The following PDE6A variants were observed in gnomAD, a reference collection of about 807,000 sequenced individuals.
PDE6A encodes the protein rod cGMP-specific 3',5'-cyclic phosphodiesterase subunit alpha.
A neutral mutation model predicts 106.3 loss-of-function variants in PDE6A; 84 were observed. The observed-to-expected ratio is 0.79, with a 90% CI of 0.66 to 0.95. PDE6A has a LOEUF of 0.95. Ranked by LOEUF, PDE6A falls within the 40% of genes least tolerant of loss-of-function variation. The pLI is 0.00. For synonymous variants in PDE6A, 394 were observed against 386.6 expected (o/e 1.02, Z -0.23); for missense variants, 1,052 against 1,084.9 (o/e 0.97, Z 0.43).
rs1239897985 is a variant in PDE6A at position 149,899,361 on chromosome 5, C to T, written c.1263+14G>A. 4.3e-6 allele frequency: 7 copies of T among 1,613,710 alleles called. No individual in the cohort carries two copies. The highest frequency in any genetic ancestry group is 2.2e-5 in the East Asian group (1 of 44,894). On this transcript the variant is annotated intron_variant, in intron 9 of 21. Coordinates refer to ENST00000255266, the MANE Select transcript of PDE6A (RefSeq NM_000440.3). ...CTGAATCCCAACAGCAAAAGGCCTC[C>T]TAGCAAGCCATACCTCCATGAGCGT...
intron 1 of PDE6A, 98 bp from the exon 2 acceptor site, chr5:149,934,816 A>G: frequency 8.5e-7 from 1 of 1,172,240 alleles, no homozygotes. Context: ...AGGTGCTTCC[A>G]TCTATTCCTC....
At chr5:149,933,294 T>G (rs1581210954) in intron 3 of PDE6A, among the ~76,000 whole-genome samples, 1 of 152,286 alleles carries the variant, frequency 6.6e-6, no homozygotes, top group African/African-American at 2.4e-5. Context: ...TTTTAAAAAT[T>G]TTATTTTAAA....
intron 4 of PDE6A, among the ~76,000 whole-genome samples, chr5:149,923,015 T>C (rs1282040591): frequency 3.9e-5 from 6 of 152,254 alleles, no homozygotes; most frequent in Admixed American, 3.9e-4. Flanking sequence ...GATCAGATCA[T>C]GTCCAAATCA....
chr5:149,875,115 T>C (rs185651316), intron 17 of PDE6A, among the ~76,000 whole-genome samples: 1 of 152,194 alleles, frequency 6.6e-6, no homozygotes, highest in East Asian at 1.9e-4. Flanking sequence ...ATTATACACC[T>C]AAGCAATGGG....
intron 17 of PDE6A, among the ~76,000 whole-genome samples, chr5:149,882,953 C>A (rs1760982463): frequency 6.6e-6 from 1 of 151,980 alleles, no homozygotes; most frequent in Non-Finnish European, 1.5e-5. Context: ...AGCTACTAGG[C>A]AGGCTGAGGC....
At chr5:149,878,632 CATGGG>C (rs1760824600) in intron 17 of PDE6A, among the ~76,000 whole-genome samples, 1 of 152,230 alleles carries the variant, frequency 6.6e-6, no homozygotes, top group East Asian at 1.9e-4. Context: ...TACACTCCCG[CATGGG>C]GAACGAGGTG....
At chr5:149,941,392 C>A (rs1304873127) in intron 1 of PDE6A, among the ~76,000 whole-genome samples, 1 of 152,182 alleles carries the variant, frequency 6.6e-6, no homozygotes, top group Non-Finnish European at 1.5e-5. Context: ...TGGAGAACTG[C>A]ATTACTGCCT....
At position 149,926,813 on chromosome 5, in the gene PDE6A, A is replaced by G. The variant is rs551492195; in HGVS notation, c.858+4215T>C. 1.4e-4 allele frequency among the ~76,000 whole-genome samples: 21 copies of G among 152,198 alleles called. No individual in the cohort carries two copies. The South Asian group carries it at 2.3e-3, about 17-fold the overall frequency. On this transcript the variant is annotated intron_variant, in intron 4 of 21. Transcript: ENST00000255266. Reference sequence around the variant, plus strand: ...GCCAACATAGTAAAACCCTGTCTCTACTAAAAACACAAAAATTAGCTGGGT... The same window carrying G: ...GCCAACATAGTAAAACCCTGTCTCTGCTAAAAACACAAAAATTAGCTGGGT...
intron 6 of PDE6A, among the ~76,000 whole-genome samples, chr5:149,913,990 T>C (rs1372420594): frequency 6.6e-6 from 1 of 152,234 alleles, no homozygotes; most frequent in Non-Finnish European, 1.5e-5. Context: ...ATAGGCTTTC[T>C]GTGGGGGCTG....
intron 13 of PDE6A, among the ~76,000 whole-genome samples, chr5:149,893,003 GGTAAGAGAACCTCATT>G (rs1752600163): frequency 6.6e-6 from 1 of 152,140 alleles, no homozygotes; most frequent in Non-Finnish European, 1.5e-5. Context: ...GTATGCCCCT[GGTAAGAGAACCTCATT>G]TATCTTCCAC....
intron 12 of PDE6A, among the ~76,000 whole-genome samples, chr5:149,895,748 A>AGTGT (rs144826238): frequency 1.3e-5 from 2 of 150,436 alleles, no homozygotes; most frequent in East Asian, 1.9e-4. Flanking sequence ...CAGAGCTGGG[A>AGTGT]GTGTGTGTGT....
intron 17 of PDE6A, among the ~76,000 whole-genome samples, chr5:149,877,806 T>A (rs965495787): frequency 2.0e-5 from 3 of 152,182 alleles, no homozygotes; most frequent in African/African-American, 7.2e-5. Flanking sequence ...GCAGGTCCAT[T>A]TACACATGAA....
At chr5:149,874,186 T>C (rs151170025) in intron 17 of PDE6A, among the ~76,000 whole-genome samples, 12 of 152,302 alleles carry the variant, frequency 7.9e-5, no homozygotes, top group African/African-American at 2.6e-4. Context: ...ATTTCAACTC[T>C]GATACTAAAT....
chr5:149,944,085 A>C (rs565069934), intron 1 of PDE6A, 115 bp downstream of exon 1: 3 of 751,844 alleles, frequency 4.0e-6, no homozygotes, highest in East Asian at 2.5e-5. Context: ...AATAAAGAAG[A>C]AGCACCATGT....
intron 17 of PDE6A, among the ~76,000 whole-genome samples, chr5:149,881,887 T>G (rs1316192640): frequency 4.9e-4 from 74 of 150,618 alleles, no homozygotes; most frequent in African/African-American, 1.7e-3. Context: ...AACCTGTTTC[T>G]ACCAAAATTA....
chr5:149,918,778 C>CTTATCTTT (rs1246347915), intron 5 of PDE6A, among the ~76,000 whole-genome samples: 12 of 151,594 alleles, frequency 7.9e-5, no homozygotes, highest in Middle Eastern at 3.4e-3. Context: ...TGCCCGGCTA[C>CTTATCTTT]TTTTCTTTTT....
At chr5:149,882,796 G>T (rs1222437072) in intron 17 of PDE6A, among the ~76,000 whole-genome samples, 1 of 150,944 alleles carries the variant, frequency 6.6e-6, no homozygotes, top group African/African-American at 2.5e-5. Flanking sequence ...GATGGCTCAC[G>T]CCTATAATCC....
In PDE6A at chr5:149,857,996, T is replaced by G. The variant is rs549601359; in HGVS notation, c.*2899A>C. 24 of 152,340 alleles carry G rather than the reference T, an allele frequency of 1.6e-4. No homozygotes were observed. The highest frequency in any genetic ancestry group is 4.3e-4 in the African/African-American group (18 of 41,570). The allele number at this position is 152,340 out of a possible 1,614,324, so 9.4% of individuals were successfully genotyped here. A position where few individuals can be genotyped will look rare whatever the true frequency, so the allele number is the denominator to read the frequency against. ...TTTATTAGAATGAGACAGAGGAATG[T>G]GTTACATGCGGCCACAAAGAAACAA... is the stretch of plus-strand genomic sequence containing the variant. On this transcript the variant is annotated 3_prime_UTR_variant, in exon 22 of 22. Transcript: ENST00000255266.
At chr5:149,891,021 G>A (rs1752525627) in intron 13 of PDE6A, among the ~76,000 whole-genome samples, 1 of 152,190 alleles carries the variant, frequency 6.6e-6, no homozygotes, top group Non-Finnish European at 1.5e-5. Context: ...TAAATCCAAT[G>A]TTAAGTGTGG....
Sources: gnomAD v4.1 joint callset for allele counts (sites outside exome capture counted in the v4.1 genomes callset) on GRCh38, gnomAD v4.1.1 for gene constraint, MANE v1.5 for transcripts, NCBI Gene and HGNC (gene_info 2026-07-23, HGNC 2026-07-21) for gene names.